The following DNAJC25 variants were observed in gnomAD, a reference collection of about 807,000 sequenced individuals.
DNAJC25 encodes the protein DnaJ heat shock protein family (Hsp40) member C25.
In DNAJC25, 26 loss-of-function variants were observed where a neutral mutation model predicts 42.1. The observed-to-expected ratio is 0.62, with a 90% CI of 0.45 to 0.86. The LOEUF is 0.86. DNAJC25 is among the 40% of genes least tolerant of loss of function. DNAJC25 has a pLI of 0.00. For missense variants in DNAJC25, 404 were observed against 459.4 expected (o/e 0.88, Z 1.10); for synonymous variants, 189 against 179.9 (o/e 1.05, Z -0.40).
At chr9:111,634,480 C>T (rs1039576993) in intron 1 of DNAJC25, among the ~76,000 whole-genome samples, 8 of 152,074 alleles carry the variant, frequency 5.3e-5, no homozygotes, top group African/African-American at 1.7e-4. Flanking sequence ...ATTGTATCCT[C>T]CGGCTGTAAA....
chr9:111,632,705 C>T (rs1320931903), intron 1 of DNAJC25, among the ~76,000 whole-genome samples: 1 of 148,818 alleles, frequency 6.7e-6, no homozygotes, highest in Non-Finnish European at 1.5e-5. Flanking sequence ...TTTTTTTTCC[C>T]GAGGCAAAAT....
intron 1 of DNAJC25, among the ~76,000 whole-genome samples, 173 bp downstream of exon 1, chr9:111,631,916 C>G (rs10980987): frequency 0.13 from 19,438 of 152,310 alleles, 1,730 homozygotes; most frequent in East Asian, 0.37. Flanking sequence ...AGAGCCGAGT[C>G]GGCCCCACGG....
At chr9:111,635,918 C>T (rs992145785) in intron 1 of DNAJC25, among the ~76,000 whole-genome samples, 11 of 152,186 alleles carry the variant, frequency 7.2e-5, no homozygotes, top group African/African-American at 2.7e-4. Context: ...TGCCCTGTTA[C>T]GTTTCTGTTT....
chr9:111,640,935 C>A (rs1461907577), intron 1 of DNAJC25, among the ~76,000 whole-genome samples: 2 of 86,644 alleles, frequency 2.3e-5, no homozygotes, highest in Non-Finnish European at 3.9e-5. Flanking sequence ...CCAGCCGTGC[C>A]GTCCGGGAGG....
At position 111,631,388 on chromosome 9, in the gene DNAJC25, A is replaced by T; in HGVS notation, c.-20A>T. On this transcript the variant is annotated 5_prime_UTR_variant, in exon 1 of 4. Transcript: ENST00000313525. ...TGCTGCAGAATCGCTGGGGTGGCAG[A>T]GCCGCCAGCGAGGCTGGGGATGGGG... The T allele has an allele frequency of 7.9e-7, 1 of 1,272,846 alleles. No homozygotes were observed. The highest frequency in any genetic ancestry group is 3.2e-5 in the East Asian group (1 of 31,736). 78.8% of individuals were successfully genotyped at this position (1,272,846 alleles called of 1,614,324 possible).
chr9:111,650,048 A>G, intron 3 of DNAJC25, 125 bp downstream of exon 3: 1 of 891,330 alleles, frequency 1.1e-6, no homozygotes, highest in East Asian at 2.9e-5. Context: ...AACAATTAGT[A>G]AAGACCTTTT....
At chr9:111,648,955 A>C (rs1026794555) in intron 2 of DNAJC25, among the ~76,000 whole-genome samples, 8 of 152,202 alleles carry the variant, frequency 5.3e-5, no homozygotes, top group African/African-American at 1.9e-4. Context: ...GATGAGTGCC[A>C]CTGTGATATA....
chr9:111,631,933 G>A (rs1449683872), intron 1 of DNAJC25, among the ~76,000 whole-genome samples, 190 bp downstream of exon 1: 1 of 152,218 alleles, frequency 6.6e-6, no homozygotes, highest in East Asian at 1.9e-4. Flanking sequence ...ACGGGGCCTT[G>A]GGGGGCACAG....
chr9:111,643,500 C>T (rs1206518055), intron 1 of DNAJC25, among the ~76,000 whole-genome samples: 2 of 152,078 alleles, frequency 1.3e-5, no homozygotes, highest in Admixed American at 1.3e-4. Context: ...ATTAATAGGA[C>T]TCATGAGGTT....
At chr9:111,641,240 T>C (rs1211208656) in intron 1 of DNAJC25, among the ~76,000 whole-genome samples, 51 of 104,482 alleles carry the variant, frequency 4.9e-4, no homozygotes, top group Admixed American at 7.1e-4. Flanking sequence ...GGGTCAGCCC[T>C]CCCCCCGGCC....
intron 1 of DNAJC25, among the ~76,000 whole-genome samples, chr9:111,642,650 AAATG>A (rs1830498840): frequency 7.7e-6 from 1 of 130,266 alleles, no homozygotes; most frequent in Non-Finnish European, 1.7e-5. Flanking sequence ...AATAAAAAAT[AAATG>A]TAAAACTAGC....
In DNAJC25 at chr9:111,631,367, G is replaced by T. The variant is rs1228285913; in HGVS notation, c.-41G>T. Reference sequence around the variant, plus strand: ...CTAGCCGGGCGCGCGGCTGAGTGCTGCAGAATCGCTGGGGTGGCAGAGCCG... The same window carrying T: ...CTAGCCGGGCGCGCGGCTGAGTGCTTCAGAATCGCTGGGGTGGCAGAGCCG... On this transcript the variant is annotated 5_prime_UTR_variant, in exon 1 of 4. Transcript: ENST00000313525. 2.4e-6 allele frequency: 3 copies of T among 1,271,698 alleles called. No homozygotes were observed. The allele number at this position is 1,271,698 out of a possible 1,614,324, so 78.8% of individuals were successfully genotyped here.
At chr9:111,641,814 T>G (rs1211914028) in intron 1 of DNAJC25, among the ~76,000 whole-genome samples, 1 of 66,456 alleles carries the variant, frequency 1.5e-5, no homozygotes, top group Non-Finnish European at 2.8e-5. Flanking sequence ...GTGGGGGGGG[T>G]CAGCCCCCCC....
At chr9:111,636,868 A>G (rs1170070789) in intron 1 of DNAJC25, among the ~76,000 whole-genome samples, 2 of 152,112 alleles carry the variant, frequency 1.3e-5, no homozygotes, top group Non-Finnish European at 2.9e-5. Flanking sequence ...TACCACATTT[A>G]CTATTTCTGC....
At chr9:111,647,491 A>G (rs1830584518) in intron 2 of DNAJC25, among the ~76,000 whole-genome samples, 2 of 152,190 alleles carry the variant, frequency 1.3e-5, no homozygotes, top group Non-Finnish European at 2.9e-5. Flanking sequence ...ACCCTTTTTC[A>G]TTGTTCCCTC....
intron 1 of DNAJC25, among the ~76,000 whole-genome samples, chr9:111,636,216 C>T (rs1207714957): frequency 6.6e-6 from 1 of 152,116 alleles, no homozygotes; most frequent in Admixed American, 6.5e-5. Flanking sequence ...GGTGAAAGGA[C>T]ATTTCTGGTA....
chr9:111,648,080 A>T (rs1253443461), intron 2 of DNAJC25, among the ~76,000 whole-genome samples: 2 of 152,194 alleles, frequency 1.3e-5, no homozygotes, highest in Non-Finnish European at 2.9e-5. Flanking sequence ...CCCGGCCAGG[A>T]ACTTTTTATG....
rs1251392357 is a variant in DNAJC25 at position 111,631,697 on chromosome 9, C to T, written c.290C>T (p.Ala97Val). The T allele has an allele frequency of 1.3e-6, 2 of 1,524,918 alleles. No individual in the cohort carries two copies. The highest frequency in any genetic ancestry group is 1.8e-6 in the Non-Finnish European group (2 of 1,142,352). 94.5% of individuals were successfully genotyped at this position (1,524,918 alleles called of 1,614,324 possible). A position where few individuals can be genotyped will look rare whatever the true frequency, so the allele number is the denominator to read the frequency against. ...DEGPGRTPQS[A>V]EEAFLLVATA... ...GGCCCCGGGCGGACGCCGCAGAGCG[C>T]CGAGGAGGCTTTCCTGCTGGTGGCA... is the stretch of plus-strand genomic sequence containing the variant. Residue 97 changes from alanine (A) to valine (V), a missense_variant, in exon 1 of 4, where the codon GCC becomes GTC. Ala to Val is a moderately conservative substitution (Grantham distance 64, BLOSUM62 0). Coordinates refer to ENST00000313525, the MANE Select transcript of DNAJC25 (RefSeq NM_001015882.3).
intron 1 of DNAJC25, among the ~76,000 whole-genome samples, chr9:111,641,150 G>C (rs1830453533): frequency 9.5e-6 from 1 of 105,380 alleles, no homozygotes; most frequent in Non-Finnish European, 1.8e-5. Context: ...CCCCCACCCG[G>C]CCAGCCGCCC....
Sources: gnomAD v4.1 joint callset for allele counts (sites outside exome capture counted in the v4.1 genomes callset) on GRCh38, gnomAD v4.1.1 for gene constraint, MANE v1.5 for transcripts, NCBI Gene and HGNC (gene_info 2026-07-23, HGNC 2026-07-21) for gene names.